Variants in FER observed in about 807,000 individuals in gnomAD.
FER encodes the protein tyrosine-protein kinase Fer.
Under a neutral mutation model 111.0 loss-of-function variants are expected in FER, and 63 were observed. The observed-to-expected ratio is 0.57, with a 90% CI of 0.46 to 0.70. FER has a LOEUF of 0.70. Among genes scored for constraint, FER ranks in the 30% least tolerant of loss-of-function variants. FER has a pLI of 0.00. For synonymous variants in FER, 327 were observed against 313.9 expected (o/e 1.04, Z -0.44); for missense variants, 914 against 954.0 (o/e 0.96, Z 0.55).
intron 10 of FER, among the ~76,000 whole-genome samples, chr5:108,918,110 A>G (rs1210158017): frequency 6.6e-6 from 1 of 152,164 alleles, no homozygotes; most frequent in African/African-American, 2.4e-5. Flanking sequence ...TAGAGCTACT[A>G]TTTTGTCTCT....
At chr5:109,082,464 C>T (rs1777097837) in intron 16 of FER, among the ~76,000 whole-genome samples, 1 of 151,966 alleles carries the variant, frequency 6.6e-6, no homozygotes, top group Admixed American at 6.6e-5. Context: ...GAGACCCAGC[C>T]CAGGCCCTGA....
chr5:108,871,592 T>TTAA, intron 7 of FER, 90 bp downstream of exon 7: 1 of 935,072 alleles, frequency 1.1e-6, no homozygotes, highest in Non-Finnish European at 1.5e-6. Flanking sequence ...TAAGAAATAC[T>TTAA]TAAGATCTTA....
At chr5:108,872,061 A>G (rs943567666) in intron 7 of FER, 32 bp from the exon 8 acceptor site, 21 of 1,601,202 alleles carry the variant, frequency 1.3e-5, no homozygotes, top group Non-Finnish European at 1.8e-5. Flanking sequence ...CTGTATTTAC[A>G]ATGATCAAAA....
In FER at chr5:109,188,440, A is replaced by C. The variant is rs1759119371; in HGVS notation, c.*865A>C. The stretch of plus-strand genomic sequence containing the variant: ...ACGCATGAAACGTCGTCAAAGTTAG[A>C]GTTGAGGCAGTTGCTTTTCAAGGAT... On this transcript the variant is annotated 3_prime_UTR_variant, in exon 20 of 20. Transcript: ENST00000281092. The C allele has an allele frequency of 6.7e-6, 1 of 150,324 alleles. No individual in the cohort carries two copies. Among genetic ancestry groups the C allele is most frequent in the Non-Finnish European group, 1.5e-5 (1 of 67,630 alleles). The allele number at this position is 150,324 out of a possible 1,614,324, so 9.3% of individuals were successfully genotyped here.
At chr5:108,838,274 G>C (rs185663428) in intron 5 of FER, among the ~76,000 whole-genome samples, 2 of 152,070 alleles carry the variant, frequency 1.3e-5, no homozygotes, top group African/African-American at 2.4e-5. Context: ...GCCAGATTAG[G>C]ACACTTTTGG....
At chr5:108,778,135 A>G (rs1423910234) in intron 2 of FER, among the ~76,000 whole-genome samples, 3 of 152,338 alleles carry the variant, frequency 2.0e-5, no homozygotes, top group South Asian at 4.1e-4. Flanking sequence ...TTGATAGTTC[A>G]GTTCTTTTTA....
intron 10 of FER, among the ~76,000 whole-genome samples, chr5:108,909,756 A>C (rs571077987): frequency 6.6e-6 from 1 of 151,632 alleles, no homozygotes; most frequent in South Asian, 2.1e-4. Context: ...ACTTCGGTGA[A>C]GTAAACTCCA....
At chr5:109,136,255 T>A (rs905835838) in intron 17 of FER, among the ~76,000 whole-genome samples, 1 of 151,862 alleles carries the variant, frequency 6.6e-6, no homozygotes, top group African/African-American at 2.4e-5. Context: ...ATCACGCCAC[T>A]GTACTCCAGC....
chr5:109,172,826 G>A (rs1725622269), intron 17 of FER, among the ~76,000 whole-genome samples: 1 of 152,024 alleles, frequency 6.6e-6, no homozygotes, highest in Non-Finnish European at 1.5e-5. Context: ...TTCACAATGT[G>A]GCCCACAGGT....
chr5:109,128,437 A>G (rs1037771910), intron 17 of FER, among the ~76,000 whole-genome samples: 1 of 152,154 alleles, frequency 6.6e-6, no homozygotes, highest in African/African-American at 2.4e-5. Context: ...TACTATCAAT[A>G]TGTGATTTTA....
chr5:109,138,588 C>G (rs1753160901), intron 17 of FER, among the ~76,000 whole-genome samples: 1 of 152,108 alleles, frequency 6.6e-6, no homozygotes, highest in Non-Finnish European at 1.5e-5. Context: ...TCCCCAACCC[C>G]TTCTGGGTTA....
intron 2 of FER, among the ~76,000 whole-genome samples, chr5:108,794,488 G>T (rs1038376251): frequency 2.6e-5 from 4 of 151,424 alleles, no homozygotes; most frequent in Admixed American, 1.3e-4. Flanking sequence ...CAAAGTGCTG[G>T]GATTACAGAT....
chr5:108,913,596 C>G (rs1751853775), intron 10 of FER, among the ~76,000 whole-genome samples: 1 of 152,166 alleles, frequency 6.6e-6, no homozygotes, highest in South Asian at 2.1e-4. Context: ...GCCTATTGGG[C>G]AGTGTCTACT....
At chr5:108,924,547 A>C in intron 10 of FER, 1 of 1,167,446 alleles carries the variant, frequency 8.6e-7, no homozygotes, top group Non-Finnish European at 1.1e-6. Flanking sequence ...AGTATGAAAT[A>C]GGAGATCCAG....
chr5:109,126,655 T>C (rs1275091621), intron 17 of FER, among the ~76,000 whole-genome samples: 1 of 152,222 alleles, frequency 6.6e-6, no homozygotes, highest in East Asian at 1.9e-4. Flanking sequence ...TTCATTCAGT[T>C]AGCAGATACC....
At chr5:109,114,317 G>A (rs1280546168) in intron 17 of FER, among the ~76,000 whole-genome samples, 5 of 152,046 alleles carry the variant, frequency 3.3e-5, no homozygotes, top group African/African-American at 1.2e-4. Context: ...CTTTTGAATT[G>A]TGAAACCCTG....
intron 10 of FER, among the ~76,000 whole-genome samples, chr5:108,938,650 GAGAGA>G (rs1431267093): frequency 6.6e-6 from 1 of 151,968 alleles, no homozygotes; most frequent in African/African-American, 2.4e-5. Flanking sequence ...GTTAGATAAA[GAGAGA>G]AGAGAAGAGA....
chr5:109,029,558 C>G (rs1263394488), intron 13 of FER, among the ~76,000 whole-genome samples: 3 of 151,522 alleles, frequency 2.0e-5, no homozygotes, highest in Admixed American at 6.6e-5. Flanking sequence ...CCACTGTGCC[C>G]AGCCTTGTTT....
intron 3 of FER, among the ~76,000 whole-genome samples, chr5:108,829,515 T>G (rs11738214): frequency 0.052 from 7,868 of 152,148 alleles, 245 homozygotes; most frequent in Non-Finnish European, 0.077. Flanking sequence ...GGTGCATGCC[T>G]GTAGTCACAG....
Sources: allele counts gnomAD v4.1 joint callset (sites outside exome capture counted in the v4.1 genomes callset), GRCh38; gene constraint gnomAD v4.1.1; transcripts MANE v1.5; gene names NCBI Gene and HGNC (gene_info 2026-07-23, HGNC 2026-07-21).